The following LRRIQ1 variants were observed in gnomAD, a reference collection of about 807,000 sequenced individuals.
LRRIQ1 encodes the protein leucine rich repeats and IQ motif containing 1.
In LRRIQ1, 210 loss-of-function variants were observed where a neutral mutation model predicts 211.9. The ratio of observed to expected loss-of-function variants is 0.99; its 90% CI spans 0.89 to 1.11. The LOEUF (loss-of-function observed/expected upper bound fraction) is 1.11, where lower values mean the gene tolerates loss of function less well. Among genes scored for constraint, LRRIQ1 ranks in the 50% most tolerant of loss-of-function variants. The probability of loss-of-function intolerance (pLI) is 0.00; values close to 1 mark genes in which losing one functional copy is unlikely to be tolerated. For missense variants in LRRIQ1, 2,136 were observed against 1,939.5 expected (o/e 1.10, Z -1.90); for synonymous variants, 699 against 650.1 (o/e 1.08, Z -1.14).
intron 1 of LRRIQ1, among the ~76,000 whole-genome samples, chr12:85,261,126 G>A (rs1896273287): frequency 6.6e-6 from 1 of 152,106 alleles, no homozygotes; most frequent in African/African-American, 2.4e-5. Flanking sequence ...AAATTCCTGA[G>A]CCATGATCTG....
At chr12:85,085,881 A>G (rs777035) in intron 11 of LRRIQ1, among the ~76,000 whole-genome samples, 90,676 of 152,040 alleles carry the variant, frequency 0.6, 29,336 homozygotes, top group African/African-American at 0.86. Flanking sequence ...GCTGTTGTGA[A>G]TAATGCTACA....
intron 11 of LRRIQ1, among the ~76,000 whole-genome samples, chr12:85,082,737 C>T (rs1884429390): frequency 6.6e-6 from 1 of 152,122 alleles, no homozygotes; most frequent in Non-Finnish European, 1.5e-5. Flanking sequence ...TTTATTATTT[C>T]TGCTAACTCT....
chr12:85,106,518 G>C lies in LRRIQ1; in HGVS notation c.3284-4G>C, dbSNP rs777267434. The stretch of plus-strand genomic sequence containing the variant: ...ACCTTTCAAAATGATTTTATTTTCT[G>C]TAGATCTTAAAAGTGCCATAAAATG... On this transcript the variant is annotated splice_polypyrimidine_tract_variant and splice_region_variant and intron_variant, in intron 14 of 26. Transcript: ENST00000393217. The C allele has an allele frequency of 3.8e-6, 6 of 1,587,764 alleles. No homozygotes were observed. Among genetic ancestry groups the C allele is most frequent in the Non-Finnish European group, 5.2e-6 (6 of 1,158,644 alleles).
intron 3 of LRRIQ1, 95 bp from the exon 4 acceptor site, chr12:85,044,623 G>A (rs1351616131): frequency 1.8e-6 from 1 of 559,122 alleles, no homozygotes; most frequent in Non-Finnish European, 3.2e-6. Context: ...TACCCTGATA[G>A]AATTTGAGGT....
intron 24 of LRRIQ1, among the ~76,000 whole-genome samples, chr12:85,188,648 C>A (rs934026841): frequency 6.6e-6 from 1 of 151,970 alleles, no homozygotes; most frequent in African/African-American, 2.4e-5. Context: ...TCCTGGAGTC[C>A]CCTTCCCACT....
intron 1 of LRRIQ1, among the ~76,000 whole-genome samples, chr12:85,261,940 G>A (rs1336593447): frequency 2.6e-5 from 4 of 151,936 alleles, no homozygotes; most frequent in Admixed American, 6.6e-5. Flanking sequence ...ACAGGCATGC[G>A]CCACCACGCC....
intron 24 of LRRIQ1, among the ~76,000 whole-genome samples, chr12:85,223,695 G>A (rs1218563456): frequency 1.3e-5 from 2 of 152,068 alleles, no homozygotes; most frequent in Non-Finnish European, 2.9e-5. Flanking sequence ...TTTGAAAACA[G>A]AGTAGAAACT....
chr12:85,137,797 G>C, intron 18 of LRRIQ1, 53 bp from the exon 19 acceptor site: 1 of 1,459,736 alleles, frequency 6.9e-7, no homozygotes, highest in Non-Finnish European at 9.2e-7. Context: ...CAGATAATCT[G>C]GTTTAGGGTT....
At chr12:85,261,240 T>C (rs930253007) in intron 1 of LRRIQ1, among the ~76,000 whole-genome samples, 1 of 152,176 alleles carries the variant, frequency 6.6e-6, no homozygotes, top group African/African-American at 2.4e-5. Flanking sequence ...TTATCCCTGC[T>C]TTTTAGTGCT....
intron 24 of LRRIQ1, among the ~76,000 whole-genome samples, chr12:85,200,194 G>T (rs1893221662): frequency 2.0e-5 from 3 of 152,060 alleles, no homozygotes. Context: ...TCCCTGTTTA[G>T]CTGTATCTCT....
At chr12:85,106,805 C>T (rs916790844) in intron 15 of LRRIQ1, among the ~76,000 whole-genome samples, 190 bp downstream of exon 15, 1 of 152,106 alleles carries the variant, frequency 6.6e-6, no homozygotes. Flanking sequence ...TTTTCTTGCA[C>T]ATGTGTGAAC....
chr12:85,085,109 C>T (rs182361095), intron 11 of LRRIQ1, among the ~76,000 whole-genome samples: 57 of 151,774 alleles, frequency 3.8e-4, no homozygotes, highest in Non-Finnish European at 5.4e-4. Context: ...TGTTTTTTTG[C>T]GTGTTTCCCC....
intron 14 of LRRIQ1, among the ~76,000 whole-genome samples, chr12:85,104,316 A>T (rs919152038): frequency 2.0e-5 from 3 of 151,998 alleles, no homozygotes; most frequent in Admixed American, 6.6e-5. Context: ...TAAAAGTCAT[A>T]CATCTTTTAC....
chr12:85,260,583 TTCA>T (rs1896257194), intron 1 of LRRIQ1, among the ~76,000 whole-genome samples: 1 of 152,120 alleles, frequency 6.6e-6, no homozygotes, highest in African/African-American at 2.4e-5. Context: ...GTAAAGTTAC[TTCA>T]TTAGTTCATT....
intron 18 of LRRIQ1, among the ~76,000 whole-genome samples, chr12:85,130,949 C>T (rs1888706649): frequency 6.6e-6 from 1 of 151,868 alleles, no homozygotes. Context: ...GTGGCTCATG[C>T]CTGAGATCCC....
At chr12:85,240,750 G>A (rs1474348447) in intron 26 of LRRIQ1, among the ~76,000 whole-genome samples, 2 of 151,988 alleles carry the variant, frequency 1.3e-5, no homozygotes, top group African/African-American at 4.8e-5. Flanking sequence ...GTTAAAAAGG[G>A]CTAATCTCAA....
chr12:85,039,035 AT>A (rs1490995705), intron 2 of LRRIQ1, among the ~76,000 whole-genome samples: 1 of 151,266 alleles, frequency 6.6e-6, no homozygotes, highest in East Asian at 1.9e-4. Flanking sequence ...GAACTTTGTT[AT>A]TTTATTAGGA....
At chr12:85,226,188 A>G (rs1894642768) in intron 24 of LRRIQ1, among the ~76,000 whole-genome samples, 1 of 152,216 alleles carries the variant, frequency 6.6e-6, no homozygotes, top group Non-Finnish European at 1.5e-5. Flanking sequence ...CAAAATGAGT[A>G]CTTTAAAAAG....
In LRRIQ1 at chr12:85,150,401, T is replaced by C. The variant is rs571792847; in HGVS notation, c.4330-1879T>C. On this transcript the variant is annotated intron_variant, in intron 19 of 26. Coordinates refer to ENST00000393217, the MANE Select transcript of LRRIQ1 (RefSeq NM_001079910.2). ...TCTAAATCCTGTTTACAATTTTACATCAAATAAAAATTTCCATCCCCACCT... is the reference window on the plus strand; with the variant it reads ...TCTAAATCCTGTTTACAATTTTACACCAAATAAAAATTTCCATCCCCACCT... Among the ~76,000 whole-genome samples, 7 of 151,918 alleles carry C rather than the reference T, an allele frequency of 4.6e-5. No homozygotes were observed. In the South Asian group the frequency reaches 1.4e-3, roughly 31 times the overall value.
Sources: gnomAD v4.1 joint callset for allele counts (sites outside exome capture counted in the v4.1 genomes callset) on GRCh38, gnomAD v4.1.1 for gene constraint, MANE v1.5 for transcripts, NCBI Gene and HGNC (gene_info 2026-07-23, HGNC 2026-07-21) for gene names.